PDE3A: variants seen among roughly 807,000 people sequenced by gnomAD.
The protein encoded by PDE3A is cGMP-inhibited 3',5'-cyclic phosphodiesterase 3A.
Under a neutral mutation model 98.3 loss-of-function variants are expected in PDE3A, and 43 were observed. The ratio of observed to expected loss-of-function variants is 0.44; its 90% CI spans 0.34 to 0.56. PDE3A has a LOEUF of 0.56. Ranked by LOEUF, PDE3A falls within the 20% of genes least tolerant of loss-of-function variation. PDE3A has a pLI of 0.01. For synonymous variants in PDE3A, 663 were observed against 567.9 expected, an observed-to-expected ratio of 1.17 and a Z score of -2.38; for missense variants, 1,427 against 1,440.7, an observed-to-expected ratio of 0.99 and a Z score of 0.15.
At chr12:20,602,112 AAAT>A (rs375704722) in intron 2 of PDE3A, among the ~76,000 whole-genome samples, 31 of 152,356 alleles carry the variant, frequency 2.0e-4, no homozygotes, top group African/African-American at 6.7e-4. Flanking sequence ...CCAACAACAG[AAAT>A]AATAATGTTT....
intron 1 of PDE3A, among the ~76,000 whole-genome samples, chr12:20,411,518 C>CT (rs11336130): frequency 0.052 from 7,842 of 151,206 alleles, 463 homozygotes; most frequent in African/African-American, 0.14. Context: ...GCTACTTACT[C>CT]TTTTTTTTTT....
intron 1 of PDE3A, among the ~76,000 whole-genome samples, chr12:20,416,934 T>C (rs1409847431): frequency 3.3e-5 from 5 of 152,166 alleles, no homozygotes; most frequent in East Asian, 1.9e-4. Flanking sequence ...TAAGGTGAGA[T>C]GTAGTTTCTT....
rs532757352 is a variant in PDE3A at position 20,599,620 on chromosome 12, A to G, written c.1012-13823A>G. ...TGTTATCATGGAAAAGGTATCTCCC[A>G]TTGTGAAAGGTTACTCCTGTACCCC... On this transcript the variant is annotated intron_variant, in intron 2 of 15. Coordinates refer to ENST00000359062, the MANE Select transcript of PDE3A (RefSeq NM_000921.5). Among the ~76,000 whole-genome samples the G allele has an allele frequency of 5.4e-4, 82 of 152,236 alleles. 1 individual carries two copies. In the South Asian group the frequency reaches 0.016, roughly 29 times the overall value.
intron 1 of PDE3A, among the ~76,000 whole-genome samples, chr12:20,537,265 GA>G (rs1565581394): frequency 6.6e-6 from 1 of 151,838 alleles, no homozygotes; most frequent in East Asian, 1.9e-4. Context: ...TTTCATTATT[GA>G]AGTTTAAGAG....
intron 9 of PDE3A, among the ~76,000 whole-genome samples, 198 bp from the exon 10 acceptor site, chr12:20,639,648 T>C (rs936246772): frequency 1.3e-5 from 2 of 152,158 alleles, no homozygotes; most frequent in Non-Finnish European, 2.9e-5. Context: ...ACATGTGCAA[T>C]GGAAATAAGT....
At chr12:20,459,947 G>T (rs1398124266) in intron 1 of PDE3A, among the ~76,000 whole-genome samples, 2 of 152,192 alleles carry the variant, frequency 1.3e-5, no homozygotes, top group Non-Finnish European at 2.9e-5. Flanking sequence ...ATACTGAGTT[G>T]CAGGAGAGGC....
rs987823316 is a variant in PDE3A at position 20,682,933 on chromosome 12, G to A, written c.*2662G>A. 1.1e-4 allele frequency: 17 copies of A among 152,152 alleles called. No individual in the cohort carries two copies. Among genetic ancestry groups the A allele is most frequent in the Non-Finnish European group, 4.4e-5 (3 of 68,046 alleles). The allele number at this position is 152,152 out of a possible 1,614,324, so 9.4% of individuals were successfully genotyped here. On this transcript the variant is annotated 3_prime_UTR_variant, in exon 16 of 16. Transcript: ENST00000359062. ...ATCAAAGCTGTATAGTCCAACTAGT[G>A]GGGCAGCTTGGCTACTATGGTGGAA...
intron 2 of PDE3A, among the ~76,000 whole-genome samples, chr12:20,599,912 T>C (rs548803358): frequency 3.9e-5 from 6 of 152,338 alleles, no homozygotes; most frequent in Middle Eastern, 3.4e-3. Flanking sequence ...GAGTTGCCAG[T>C]GACCTTCCAA....
intron 8 of PDE3A, 58 bp downstream of exon 8, chr12:20,635,114 T>G: frequency 2.7e-6 from 4 of 1,472,168 alleles, no homozygotes; most frequent in Non-Finnish European, 2.8e-6. Flanking sequence ...CTGTTACAGA[T>G]ATTGGCTCAG....
chr12:20,670,031 A>G (rs1945429358), intron 15 of PDE3A, among the ~76,000 whole-genome samples: 1 of 151,100 alleles, frequency 6.6e-6, no homozygotes, highest in Non-Finnish European at 1.5e-5. Flanking sequence ...AAACAAAAAA[A>G]GGCAGGGATT....
intron 1 of PDE3A, among the ~76,000 whole-genome samples, chr12:20,515,092 G>C (rs1412252708): frequency 6.6e-6 from 1 of 152,176 alleles, no homozygotes; most frequent in Non-Finnish European, 1.5e-5. Context: ...CAGCCATGAG[G>C]GTAGAGCCCT....
chr12:20,683,908 A>C lies in PDE3A; in HGVS notation c.*3637A>C, dbSNP rs1353785891. ...GACTGTTCATATTAGATGTATGTAG[A>C]CTGTTAATTTGCAATTTCCCCATAT... On this transcript the variant is annotated 3_prime_UTR_variant, in exon 16 of 16. Transcript: ENST00000359062. 6.6e-6 allele frequency: 1 copy of C among 152,138 alleles called. No homozygotes were observed. Among genetic ancestry groups the C allele is most frequent in the Non-Finnish European group, 1.5e-5 (1 of 68,020 alleles). 9.4% of individuals were successfully genotyped at this position (152,138 alleles called of 1,614,324 possible).
At chr12:20,456,319 G>T (rs1420604087) in intron 1 of PDE3A, among the ~76,000 whole-genome samples, 1 of 152,064 alleles carries the variant, frequency 6.6e-6, no homozygotes, top group African/African-American at 2.4e-5. Flanking sequence ...TTCCCTGGGG[G>T]TTAGTTTGCT....
intron 1 of PDE3A, among the ~76,000 whole-genome samples, chr12:20,450,451 T>A (rs1945043842): frequency 6.6e-6 from 1 of 152,260 alleles, no homozygotes; most frequent in African/African-American, 2.4e-5. Flanking sequence ...CACATATTTC[T>A]ATTGAGCCCA....
At chr12:20,472,216 A>G (rs1945450970) in intron 1 of PDE3A, among the ~76,000 whole-genome samples, 1 of 152,172 alleles carries the variant, frequency 6.6e-6, no homozygotes, top group Non-Finnish European at 1.5e-5. Flanking sequence ...GACAACCAGG[A>G]AGGGATTACT....
chr12:20,624,479 A>G (rs1009892496), intron 5 of PDE3A, among the ~76,000 whole-genome samples: 4 of 152,120 alleles, frequency 2.6e-5, no homozygotes, highest in African/African-American at 9.7e-5. Context: ...GTAAAAGGGA[A>G]GGAATGTCCA....
chr12:20,390,360 G>A (rs1052197846), intron 1 of PDE3A, among the ~76,000 whole-genome samples: 2 of 151,248 alleles, frequency 1.3e-5, no homozygotes, highest in African/African-American at 2.4e-5. Flanking sequence ...GACCCAAATG[G>A]ACACGAGGAG....
chr12:20,409,577 G>A (rs1225841461), intron 1 of PDE3A, among the ~76,000 whole-genome samples: 1 of 152,054 alleles, frequency 6.6e-6, no homozygotes, highest in African/African-American at 2.4e-5. Context: ...AAATAAAGTC[G>A]CTGAATAAAA....
intron 1 of PDE3A, among the ~76,000 whole-genome samples, chr12:20,377,662 G>GA (rs1406501198): frequency 6.6e-6 from 1 of 151,664 alleles, no homozygotes; most frequent in African/African-American, 2.4e-5. Context: ...GCTCATTTTT[G>GA]TACCACTCTA....
Sources: gnomAD v4.1 joint callset for allele counts (sites outside exome capture counted in the v4.1 genomes callset) on GRCh38, gnomAD v4.1.1 for gene constraint, MANE v1.5 for transcripts, NCBI Gene and HGNC (gene_info 2026-07-23, HGNC 2026-07-21) for gene names.